The following CIB4 variants were observed in gnomAD, a reference collection of about 807,000 sequenced individuals.
The protein encoded by CIB4 is calcium and integrin binding family member 4.
CIB4 carries 25 observed loss-of-function variants against 25.8 expected under a neutral mutation model. The ratio of observed to expected loss-of-function variants is 0.97; its 90% CI spans 0.71 to 1.35. CIB4 has a LOEUF of 1.35. CIB4 is among the 40% of genes most tolerant of loss of function. CIB4 has a pLI of 0.00. For synonymous variants in CIB4, 75 were observed against 81.4 expected, an observed-to-expected ratio of 0.92 and a Z score of 0.42; for missense variants, 235 against 228.2, an observed-to-expected ratio of 1.03 and a Z score of -0.19.
chr2:26,639,822 C>T (rs987834478), intron 2 of CIB4, among the ~76,000 whole-genome samples: 1 of 152,002 alleles, frequency 6.6e-6, no homozygotes, highest in African/African-American at 2.4e-5. Context: ...GGGAACCTTC[C>T]CCCACCTTCC....
chr2:26,585,054 G>C (rs1318953632), intron 4 of CIB4, among the ~76,000 whole-genome samples: 1 of 152,204 alleles, frequency 6.6e-6, no homozygotes, highest in African/African-American at 2.4e-5. Context: ...TAAACCTCCT[G>C]AGTACTGAAC....
intron 3 of CIB4, among the ~76,000 whole-genome samples, chr2:26,604,074 A>T (rs2148205027): frequency 6.6e-6 from 1 of 151,974 alleles, no homozygotes; most frequent in Admixed American, 6.5e-5. Flanking sequence ...ACTGCTAAAA[A>T]GCAGTAATAA....
At chr2:26,589,045 T>TTCTTCCTCTTCC (rs1572540137) in intron 4 of CIB4, among the ~76,000 whole-genome samples, 1 of 47,810 alleles carries the variant, frequency 2.1e-5, no homozygotes, top group Non-Finnish European at 4.2e-5. Context: ...CTTCTTCTTC[T>TTCTTCCTCTTCC]TCTTCTTCTT....
At position 26,595,245 on chromosome 2, in the gene CIB4, C is replaced by G; in HGVS notation, c.259G>C (p.Gly87Arg). The G allele has an allele frequency of 6.2e-7, 1 of 1,614,188 alleles. No homozygotes were observed. The highest frequency in any genetic ancestry group is 8.5e-7 in the Non-Finnish European group (1 of 1,180,018). ...KGMFSFEDVLGMASVFSEQAC... is the reference protein window; with the variant it reads ...KGMFSFEDVLRMASVFSEQAC... ...TGCTCGCTGAACACAGATGCCATGCCCAGCACATCCTCAAAGGAGAACATG... is the reference window on the plus strand; with the variant it reads ...TGCTCGCTGAACACAGATGCCATGCGCAGCACATCCTCAAAGGAGAACATG... The change falls in exon 4 of 7, where the codon GGC becomes CGC. Residue 87 changes from glycine (G) to arginine (R), a missense_variant. By Grantham distance (125) the Gly-to-Arg change is moderately radical. Coordinates refer to ENST00000288861, the MANE Select transcript of CIB4 (RefSeq NM_001029881.3).
chr2:26,595,856 C>T lies in CIB4; in HGVS notation c.187-539G>A, dbSNP rs192030540. On this transcript the variant is annotated intron_variant, in intron 3 of 6. Transcript: ENST00000288861. ...GGGAGGGAGGTGGTTGCCAGGACAC[C>T]AATACACTCCTTAGATCCATGTCAC... Among the ~76,000 whole-genome samples, 193 of 152,012 alleles carry T rather than the reference C, an allele frequency of 1.3e-3. 1 individual carries two copies. The highest frequency in any genetic ancestry group is 4.2e-3 in the African/African-American group (172 of 41,382).
intron 4 of CIB4, among the ~76,000 whole-genome samples, chr2:26,588,377 G>A (rs1444362998): frequency 5.3e-5 from 8 of 152,230 alleles, no homozygotes; most frequent in African/African-American, 1.9e-4. Context: ...AGGGGCTGGG[G>A]GCTGAGAGCT....
chr2:26,625,223 G>T (rs1234235743), intron 3 of CIB4, among the ~76,000 whole-genome samples: 1 of 152,168 alleles, frequency 6.6e-6, no homozygotes, highest in Non-Finnish European at 1.5e-5. Context: ...GACAGAAAGC[G>T]CATTCCCTCT....
At chr2:26,601,231 A>AAAAAAAAAAAAAAAAAATAT (rs1395827334) in intron 3 of CIB4, among the ~76,000 whole-genome samples, 1 of 17,238 alleles carries the variant, frequency 5.8e-5, no homozygotes, top group African/African-American at 1.5e-4. Context: ...AAAAAAAAAA[A>AAAAAAAAAAAAAAAAAATAT]ATATATATAT....
intron 3 of CIB4, among the ~76,000 whole-genome samples, chr2:26,609,626 C>T (rs758284025): frequency 8.5e-5 from 13 of 152,122 alleles, no homozygotes; most frequent in Admixed American, 2.0e-4. Flanking sequence ...GGACCGCATA[C>T]GCTCTTGGGC....
intron 3 of CIB4, among the ~76,000 whole-genome samples, chr2:26,616,710 C>T (rs1342686966): frequency 6.6e-6 from 1 of 152,234 alleles, no homozygotes; most frequent in East Asian, 1.9e-4. Flanking sequence ...CCACCCCGGC[C>T]ACCAGCTCCT....
At chr2:26,608,770 C>G (rs999991230) in intron 3 of CIB4, among the ~76,000 whole-genome samples, 2 of 152,124 alleles carry the variant, frequency 1.3e-5, no homozygotes, top group Non-Finnish European at 2.9e-5. Flanking sequence ...CTCACCAAGC[C>G]TTCTTTCTCT....
chr2:26,582,957 A>AT, intron 5 of CIB4, 44 bp from the exon 6 acceptor site: 1 of 1,368,290 alleles, frequency 7.3e-7, no homozygotes, highest in Non-Finnish European at 1.0e-6. Flanking sequence ...ACCCCATGTC[A>AT]GGCAGTGAGG....
At chr2:26,599,403 A>C (rs1366396691) in intron 3 of CIB4, among the ~76,000 whole-genome samples, 3 of 152,232 alleles carry the variant, frequency 2.0e-5, no homozygotes, top group African/African-American at 7.2e-5. Context: ...TCTTTTTTTA[A>C]AGATCTTCTT....
At chr2:26,604,017 AAAG>A (rs1242667007) in intron 3 of CIB4, among the ~76,000 whole-genome samples, 125 of 151,326 alleles carry the variant, frequency 8.3e-4, no homozygotes, top group African/African-American at 3.0e-3. Context: ...AAAAAAAAAA[AAAG>A]AAAGAAATAT....
At chr2:26,638,503 C>T (rs1288932949) in intron 2 of CIB4, among the ~76,000 whole-genome samples, 1 of 152,208 alleles carries the variant, frequency 6.6e-6, no homozygotes, top group Non-Finnish European at 1.5e-5. Flanking sequence ...ACCCCATGCT[C>T]TCTCCTGGCA....
At chr2:26,633,457 AC>A (rs1257420598) in intron 2 of CIB4, among the ~76,000 whole-genome samples, 1 of 151,842 alleles carries the variant, frequency 6.6e-6, no homozygotes, top group African/African-American at 2.4e-5. Context: ...TGTGCTGCCC[AC>A]CCCTAAAGGG....
chr2:26,640,576 A>G lies in CIB4; in HGVS notation c.55-9T>C, dbSNP rs2148231067. On this transcript the variant is annotated splice_polypyrimidine_tract_variant and intron_variant, in intron 1 of 6. Transcript: ENST00000288861. The stretch of plus-strand genomic sequence containing the variant: ...GTCAGGAAGGTCAGGGCCTGCAACA[A>G]ATCACAGAGAAGCGACGTGTCCACT... 15 of 1,611,972 alleles carry G rather than the reference A, an allele frequency of 9.3e-6. No individual in the cohort carries two copies. In the South Asian group the frequency reaches 1.5e-4, roughly 17 times the overall value.
chr2:26,599,740 A>T (rs1053657052), intron 3 of CIB4, among the ~76,000 whole-genome samples: 2 of 151,954 alleles, frequency 1.3e-5, no homozygotes, highest in Non-Finnish European at 2.9e-5. Flanking sequence ...TTCTAATCAT[A>T]CTTTATTTTG....
chr2:26,633,368 G>A (rs574784772), intron 2 of CIB4, among the ~76,000 whole-genome samples: 12 of 152,354 alleles, frequency 7.9e-5, no homozygotes, highest in Admixed American at 5.2e-4. Context: ...GGCTCCGAGA[G>A]TTTAAGTGTT....
Sources: gnomAD v4.1 joint callset for allele counts (sites outside exome capture counted in the v4.1 genomes callset) on GRCh38, gnomAD v4.1.1 for gene constraint, MANE v1.5 for transcripts, NCBI Gene and HGNC (gene_info 2026-07-23, HGNC 2026-07-21) for gene names.